FUT8: variants seen among roughly 807,000 people sequenced by gnomAD.
FUT8 encodes the protein fucosyltransferase 8, also known as alpha-(1,6)-fucosyltransferase.
FUT8 carries 29 observed loss-of-function variants against 71.3 expected under a neutral mutation model. The ratio of observed to expected loss-of-function variants is 0.41; its 90% CI spans 0.30 to 0.55. The LOEUF is 0.55. Ranked by LOEUF, FUT8 falls within the 20% of genes least tolerant of loss-of-function variation. FUT8 has a pLI of 0.34. For synonymous variants in FUT8, 254 were observed against 239.3 expected (o/e 1.06, Z -0.57); for missense variants, 544 against 702.1 (o/e 0.77, Z 2.55).
intron 7 of FUT8, among the ~76,000 whole-genome samples, chr14:65,714,418 ATTT>A (rs1336048298): frequency 7.5e-6 from 1 of 133,544 alleles, no homozygotes; most frequent in African/African-American, 2.8e-5. Flanking sequence ...TTCCATATAA[ATTT>A]TATTTATTTA....
In FUT8 at chr14:65,561,896, A is replaced by G; in HGVS notation, c.203+130A>G. The G allele has an allele frequency of 5.4e-6, 4 of 740,164 alleles. No individual in the cohort carries two copies. In the Admixed American group the frequency reaches 1.0e-4, roughly 19 times the overall value. 45.8% of individuals were successfully genotyped at this position (740,164 alleles called of 1,614,324 possible). On this transcript the variant is annotated intron_variant, in intron 3 of 10. Transcript: ENST00000673929. ...GCTGTCTTTGCCACAACTTAGCATG[A>G]CAGTTTTCTATCTCTGTGTATTTAA...
chr14:65,481,448 A>AT (rs553752162), intron 2 of FUT8, among the ~76,000 whole-genome samples: 142 of 150,926 alleles, frequency 9.4e-4, no homozygotes, highest in Non-Finnish European at 1.1e-3. Flanking sequence ...ATGGAGTGTG[A>AT]TTTTTTTTTA....
rs532834694 is a variant in FUT8, at chr14:65,583,275, G to T, written c.203+21509G>T. ...TGCTCACTGCAGCCTCAACCACCTG[G>T]GCTCAAGTGATCCTCTTGGTTCAGC... On this transcript the variant is annotated intron_variant, in intron 3 of 10. Transcript: ENST00000673929. 2.4e-3 allele frequency among the ~76,000 whole-genome samples: 366 copies of T among 151,974 alleles called. 2 individuals carry two copies. Among genetic ancestry groups the T allele is most frequent in the Non-Finnish European group, 4.8e-3 (326 of 67,990 alleles).
intron 7 of FUT8, among the ~76,000 whole-genome samples, chr14:65,670,643 C>T (rs566354880): frequency 5.9e-5 from 9 of 152,114 alleles, no homozygotes; most frequent in East Asian, 3.9e-4. Context: ...CCTTTTTTCA[C>T]GAGCTACAAC....
the FUT8 span, among the ~76,000 whole-genome samples, chr14:65,378,849 T>TG: frequency 3.0e-4 from 41 of 136,608 alleles, no homozygotes; most frequent in African/African-American, 9.7e-4. Context: ...TTTTTTTTTT[T>TG]TTTTTTTTTT....
chr14:65,444,938 G>T (rs1039877705), intron 1 of FUT8, among the ~76,000 whole-genome samples: 9 of 152,018 alleles, frequency 5.9e-5, no homozygotes, highest in African/African-American at 2.2e-4. Flanking sequence ...GGGCATGGTG[G>T]CTCACGCCTG....
rs900867439 is a variant in FUT8, at chr14:65,550,221, G to T, written c.-227-11116G>T. ...GCCAGCGTATCACATGGTGAGAAGG[G>T]GTGCAAGAGAGAGAAGGGAGGAGAT... On this transcript the variant is annotated intron_variant, in intron 2 of 10. Coordinates refer to ENST00000673929, the MANE Select transcript of FUT8 (RefSeq NM_001371533.1). The surrounding 1 kb of genome is among the most constrained non-coding windows in gnomAD (Gnocchi z 4.5). 2.6e-5 allele frequency among the ~76,000 whole-genome samples: 4 copies of T among 152,056 alleles called. No individual in the cohort carries two copies. Among genetic ancestry groups the T allele is most frequent in the Non-Finnish European group, 5.9e-5 (4 of 68,014 alleles).
chr14:65,618,740 C>G (rs1202715794), intron 5 of FUT8, among the ~76,000 whole-genome samples: 1 of 152,052 alleles, frequency 6.6e-6, no homozygotes, highest in African/African-American at 2.4e-5. Flanking sequence ...TTATATGATA[C>G]AAAAGTCCAT....
chr14:65,419,403 G>A (rs1324481975), intron 1 of FUT8, among the ~76,000 whole-genome samples: 2 of 152,170 alleles, frequency 1.3e-5, no homozygotes, highest in African/African-American at 4.8e-5. Flanking sequence ...TCCACTCATG[G>A]GAGTACTGTT....
At chr14:65,718,108 T>C (rs1051059701) in intron 7 of FUT8, among the ~76,000 whole-genome samples, 15 of 152,196 alleles carry the variant, frequency 9.9e-5, no homozygotes, top group Admixed American at 6.5e-5. Flanking sequence ...CATTTTGTTA[T>C]TTGTTTTCTG....
chr14:65,690,917 G>A (rs1190547716), intron 7 of FUT8, among the ~76,000 whole-genome samples: 2 of 151,886 alleles, frequency 1.3e-5, no homozygotes, highest in African/African-American at 4.8e-5. Flanking sequence ...GTAGAGATGG[G>A]GTTTCACCAT....
the FUT8 span, among the ~76,000 whole-genome samples, chr14:65,386,503 CAAA>C: frequency 0.26 from 12,038 of 46,532 alleles, 634 homozygotes; most frequent in East Asian, 0.48. Context: ...GACCTCGTCT[CAAA>C]AAAAAAAAAA....
chr14:65,676,529 G>A (rs781035105), intron 7 of FUT8, among the ~76,000 whole-genome samples: 3 of 152,138 alleles, frequency 2.0e-5, no homozygotes, highest in Non-Finnish European at 2.9e-5. Context: ...ACATTCCAGC[G>A]GAGCTAGATT....
chr14:65,515,871 TATC>T (rs1882676857), intron 2 of FUT8, among the ~76,000 whole-genome samples: 1 of 152,224 alleles, frequency 6.6e-6, no homozygotes, highest in South Asian at 2.1e-4. Context: ...AGCAGCAAAA[TATC>T]ATTGCCTTTG....
the FUT8 span, among the ~76,000 whole-genome samples, chr14:65,381,255 C>T: frequency 6.6e-6 from 1 of 152,306 alleles, no homozygotes; most frequent in African/African-American, 2.4e-5. Context: ...TTCTACAGCT[C>T]TTTCCTTTAA....
rs183501137 is a variant in FUT8 at position 65,451,058 on chromosome 14, G to A, written c.-325-4563G>A. Among the ~76,000 whole-genome samples, 532 of 152,192 alleles carry A rather than the reference G, an allele frequency of 3.5e-3. 1 individual carries two copies. The highest frequency in any genetic ancestry group is 0.012 in the African/African-American group (500 of 41,528). ...TTTTTGTTAGAGACGAGGTTTTGCCGTGTTAGCCAGGATGGTCTTGATCTC... is the reference window on the plus strand; with the variant it reads ...TTTTTGTTAGAGACGAGGTTTTGCCATGTTAGCCAGGATGGTCTTGATCTC... On this transcript the variant is annotated intron_variant, in intron 1 of 10. Transcript: ENST00000673929.
rs1348339552 is a variant in FUT8 at position 65,643,513 on chromosome 14, G to A, written c.597+13907G>A. On this transcript the variant is annotated intron_variant, in intron 6 of 10. Transcript: ENST00000673929. The surrounding 1 kb of genome is among the most constrained non-coding windows in gnomAD (Gnocchi z 4.5). ...ACTAAAAATACAAAAGATTAGCCGG[G>A]CGTGGTGGCGGGCACCTGTAGTCTC... 6.6e-6 allele frequency among the ~76,000 whole-genome samples: 1 copy of A among 151,908 alleles called. No homozygotes were observed. Among genetic ancestry groups the A allele is most frequent in the East Asian group, 1.9e-4 (1 of 5,180 alleles).
chr14:65,615,151 C>A (rs1477337080), intron 3 of FUT8, among the ~76,000 whole-genome samples: 2 of 152,132 alleles, frequency 1.3e-5, no homozygotes. Context: ...CACTAGAATG[C>A]AGTGACATGA....
intron 7 of FUT8, among the ~76,000 whole-genome samples, chr14:65,695,769 A>G (rs1893960486): frequency 2.0e-5 from 3 of 151,922 alleles, no homozygotes; most frequent in Non-Finnish European, 4.4e-5. Flanking sequence ...GGTTGTTTCT[A>G]TAATTGTGGC....
Sources: allele counts gnomAD v4.1 joint callset (sites outside exome capture counted in the v4.1 genomes callset), GRCh38; gene constraint gnomAD v4.1.1; non-coding constraint Gnocchi (gnomAD v3.1); transcripts MANE v1.5; gene names NCBI Gene and HGNC (gene_info 2026-07-23, HGNC 2026-07-21).